The following PTPRN2 variants were observed in gnomAD, a reference collection of about 807,000 sequenced individuals.
PTPRN2 encodes the protein receptor-type tyrosine-protein phosphatase N2.
In PTPRN2, 74 loss-of-function variants were observed where a neutral mutation model predicts 118.8. The ratio of observed to expected loss-of-function variants is 0.62; its 90% CI spans 0.52 to 0.76. The LOEUF (loss-of-function observed/expected upper bound fraction) is 0.76, where lower values mean the gene tolerates loss of function less well. Among genes scored for constraint, PTPRN2 ranks in the 30% least tolerant of loss-of-function variants. PTPRN2 has a pLI of 0.00. For synonymous variants in PTPRN2, 641 were observed against 608.0 expected, an observed-to-expected ratio of 1.05 and a Z score of -0.80; for missense variants, 1,481 against 1,394.4, an observed-to-expected ratio of 1.06 and a Z score of -0.99.
chr7:157,830,427 G>A (rs1051762401), intron 12 of PTPRN2, among the ~76,000 whole-genome samples: 1 of 152,162 alleles, frequency 6.6e-6, no homozygotes, highest in African/African-American at 2.4e-5. Context: ...TTACCAAAGC[G>A]ACTGCACTTG....
Position 158,283,885 on chromosome 7 carries a change from C to T in PTPRN2, c.277+32934G>A, listed in dbSNP as rs539375155. 6.6e-5 allele frequency among the ~76,000 whole-genome samples: 10 copies of T among 152,268 alleles called. No individual in the cohort carries two copies. The South Asian group carries it at 1.9e-3, about 28-fold the overall frequency. ...CTAGAATCACCACGTCGTTCAGAAT[C>T]GCCACCTCACAGAGAAGCAAACCCA... On this transcript the variant is annotated intron_variant, in intron 3 of 22. Transcript: ENST00000389418.
chr7:158,318,062 G>A (rs896158769), intron 2 of PTPRN2, among the ~76,000 whole-genome samples: 1 of 152,106 alleles, frequency 6.6e-6, no homozygotes. Flanking sequence ...GCCCGGCCGC[G>A]CCGCCTCCTG....
At chr7:158,076,762 A>G (rs1812391285) in intron 11 of PTPRN2, among the ~76,000 whole-genome samples, 1 of 152,048 alleles carries the variant, frequency 6.6e-6, no homozygotes, top group Non-Finnish European at 1.5e-5. Flanking sequence ...GCCTCATCTA[A>G]GCCCTGCCCT....
chr7:157,780,548 C>G lies in PTPRN2; in HGVS notation c.1789-97611G>C. ...GACCGTGGCAGCCAAGTCAGGCATA[C>G]AGCAGCCCTCTTGCTGGCTTCCAGT... is the stretch of plus-strand genomic sequence containing the variant. On this transcript the variant is annotated intron_variant, in intron 12 of 22. Transcript: ENST00000389418. The surrounding 1 kb of genome is among the most constrained non-coding windows in gnomAD (Gnocchi z 4.5). Among the ~76,000 whole-genome samples the G allele has an allele frequency of 6.6e-6, 1 of 152,122 alleles. No homozygotes were observed. The highest frequency in any genetic ancestry group is 3.2e-3 in the Middle Eastern group (1 of 316).
At chr7:158,410,833 G>A (rs553143079) in intron 2 of PTPRN2, among the ~76,000 whole-genome samples, 3 of 152,020 alleles carry the variant, frequency 2.0e-5, no homozygotes, top group Non-Finnish European at 2.9e-5. Flanking sequence ...GTGGAGTCAC[G>A]GGTGGGAGGC....
rs908606145 is a variant in PTPRN2, at chr7:157,801,218, C to A, written c.1788+97455G>T. ...TTCCGCTACACGGTGCAAGTTACGC[C>A]AGACCAGAAACTGAACCGACGCTGA... is the stretch of plus-strand genomic sequence containing the variant. On this transcript the variant is annotated intron_variant, in intron 12 of 22. Transcript: ENST00000389418. The surrounding 1 kb of genome is among the most constrained non-coding windows in gnomAD (Gnocchi z 4.2). Among the ~76,000 whole-genome samples, 3 of 152,012 alleles carry A rather than the reference C, an allele frequency of 2.0e-5. No individual in the cohort carries two copies. The South Asian group carries it at 6.2e-4, about 32-fold the overall frequency.
intron 2 of PTPRN2, among the ~76,000 whole-genome samples, chr7:158,441,005 GGTGGTGGTAGTC>G (rs1310656293): frequency 2.1e-5 from 3 of 146,164 alleles, no homozygotes; most frequent in Non-Finnish European, 3.0e-5. Context: ...CAGTGATGGG[GGTGGTGGTAGTC>G]GTGGTGGTGG....
intron 11 of PTPRN2, chr7:158,028,367 C>T (rs892733): frequency 0.81 from 123,590 of 152,542 alleles, 50,696 homozygotes; most frequent in Non-Finnish European, 0.89. Flanking sequence ...CAAAGGGAGC[C>T]TGAAGAACAA....
intron 1 of PTPRN2, among the ~76,000 whole-genome samples, chr7:158,562,532 C>T (rs1827452216): frequency 6.6e-6 from 1 of 152,128 alleles, no homozygotes; most frequent in Non-Finnish European, 1.5e-5. Flanking sequence ...AGAGGAAATG[C>T]AAATCAATGC....
chr7:157,887,100 T>C (rs1796499190), intron 12 of PTPRN2, among the ~76,000 whole-genome samples: 1 of 150,564 alleles, frequency 6.6e-6, no homozygotes, highest in Admixed American at 6.6e-5. Context: ...GCATTTGAGG[T>C]CCTCACCACA....
chr7:157,775,485 G>C (rs755914161), intron 12 of PTPRN2, among the ~76,000 whole-genome samples: 2 of 152,250 alleles, frequency 1.3e-5, no homozygotes, highest in Non-Finnish European at 2.9e-5. Flanking sequence ...AGGCGGCAGC[G>C]TGAGAAGCTT....
chr7:157,897,802 C>T (rs1017365425), intron 12 of PTPRN2, among the ~76,000 whole-genome samples: 1 of 152,266 alleles, frequency 6.6e-6, no homozygotes, highest in Non-Finnish European at 1.5e-5. Context: ...CCGCAGAGGG[C>T]GGCTCTGCTG....
intron 11 of PTPRN2, among the ~76,000 whole-genome samples, chr7:158,071,276 G>T (rs1426070579): frequency 4.8e-5 from 5 of 105,262 alleles, no homozygotes; most frequent in Non-Finnish European, 5.8e-5. Context: ...TGGTGGAGGT[G>T]CCCGTGGTGG....
chr7:158,328,008 C>T (rs1306122523), intron 2 of PTPRN2, among the ~76,000 whole-genome samples: 1 of 152,218 alleles, frequency 6.6e-6, no homozygotes, highest in East Asian at 1.9e-4. Flanking sequence ...CTCAGAATCA[C>T]TGCCCTGTTG....
At chr7:158,455,254 G>A (rs1232553123) in intron 2 of PTPRN2, among the ~76,000 whole-genome samples, 1 of 142,088 alleles carries the variant, frequency 7.0e-6, no homozygotes, top group African/African-American at 2.6e-5. Context: ...ACAACGGCAC[G>A]GACGCCATCG....
chr7:158,550,619 G>T (rs529169456), intron 1 of PTPRN2, among the ~76,000 whole-genome samples: 1 of 152,226 alleles, frequency 6.6e-6, no homozygotes, highest in Non-Finnish European at 1.5e-5. Context: ...CGCCTCCCAG[G>T]TGGTTTGACT....
At chr7:158,461,494 T>TG (rs1818982700) in intron 2 of PTPRN2, among the ~76,000 whole-genome samples, 2 of 86,918 alleles carry the variant, frequency 2.3e-5, no homozygotes, top group Non-Finnish European at 4.9e-5. Context: ...AGACTCCGTC[T>TG]CAAAAAAAAA....
intron 11 of PTPRN2, among the ~76,000 whole-genome samples, chr7:157,900,013 G>A (rs1165816114): frequency 2.6e-5 from 4 of 152,208 alleles, no homozygotes; most frequent in Non-Finnish European, 4.4e-5. Context: ...GAGGGTAATA[G>A]TGGACTCTTT....
intron 12 of PTPRN2, among the ~76,000 whole-genome samples, chr7:157,890,910 C>T (rs867960818): frequency 1.3e-5 from 2 of 152,214 alleles, no homozygotes; most frequent in South Asian, 2.1e-4. Flanking sequence ...TTTAATGTGC[C>T]TGACAAAGGC....
Sources: allele counts gnomAD v4.1 joint callset (sites outside exome capture counted in the v4.1 genomes callset), GRCh38; gene constraint gnomAD v4.1.1; non-coding constraint Gnocchi (gnomAD v3.1); transcripts MANE v1.5; gene names NCBI Gene and HGNC (gene_info 2026-07-23, HGNC 2026-07-21).